The following ERC2 variants were observed in gnomAD, a reference collection of about 807,000 sequenced individuals.
ERC2 encodes the protein ELKS/RAB6-interacting/CAST family member 2, also known as ERC protein 2.
Under a neutral mutation model 114.8 loss-of-function variants are expected in ERC2, and 42 were observed. The ratio of observed to expected loss-of-function variants is 0.37; its 90% CI spans 0.29 to 0.47. ERC2 has a LOEUF of 0.47. Ranked by LOEUF, ERC2 falls within the 20% of genes least tolerant of loss-of-function variation. The probability of loss-of-function intolerance (pLI) is 0.99; values close to 1 mark genes in which losing one functional copy is unlikely to be tolerated. For synonymous variants in ERC2, 454 were observed against 425.5 expected (o/e 1.07, Z -0.82); for missense variants, 939 against 1,150.7 (o/e 0.82, Z 2.66).
intron 4 of ERC2, among the ~76,000 whole-genome samples, chr3:56,169,900 A>G (rs1388884074): frequency 6.6e-6 from 1 of 152,174 alleles, no homozygotes; most frequent in Non-Finnish European, 1.5e-5. Context: ...TTATAATAAA[A>G]ATAAGTTACA....
chr3:56,160,721 T>C (rs1443262644), intron 4 of ERC2, among the ~76,000 whole-genome samples: 2 of 152,198 alleles, frequency 1.3e-5, no homozygotes, highest in Non-Finnish European at 2.9e-5. Context: ...CCCAGCACCA[T>C]TTATTAAATA....
chr3:56,122,311 C>A (rs1273944209), intron 6 of ERC2, among the ~76,000 whole-genome samples: 2 of 152,022 alleles, frequency 1.3e-5, no homozygotes, highest in African/African-American at 2.4e-5. Flanking sequence ...ATATAAATCC[C>A]CACACTTACA....
chr3:55,855,156 C>T (rs1191042893), intron 14 of ERC2, among the ~76,000 whole-genome samples: 3 of 152,104 alleles, frequency 2.0e-5, no homozygotes, highest in Non-Finnish European at 4.4e-5. Context: ...CCTAGATTGC[C>T]ACAGCAGATG....
At chr3:56,238,352 G>C (rs535650259) in intron 3 of ERC2, among the ~76,000 whole-genome samples, 5 of 152,222 alleles carry the variant, frequency 3.3e-5, no homozygotes, top group African/African-American at 1.2e-4. Context: ...TTGTTCAGAG[G>C]ATGTAATCTG....
intron 15 of ERC2, among the ~76,000 whole-genome samples, chr3:55,713,268 TG>T (rs1048156908): frequency 6.6e-6 from 1 of 152,000 alleles, no homozygotes; most frequent in African/African-American, 2.4e-5. Context: ...TGGAGTGCAA[TG>T]GGGCAGTCTT....
chr3:55,522,507 A>C (rs1256162985), intron 17 of ERC2, among the ~76,000 whole-genome samples: 2 of 145,340 alleles, frequency 1.4e-5, no homozygotes, highest in African/African-American at 5.3e-5. Flanking sequence ...CTTGCCCAAC[A>C]GACCACCTTA....
At chr3:55,998,733 C>G (rs952582797) in intron 10 of ERC2, among the ~76,000 whole-genome samples, 1 of 152,186 alleles carries the variant, frequency 6.6e-6, no homozygotes, top group Non-Finnish European at 1.5e-5. Flanking sequence ...CTGTAATGAC[C>G]TACAAAGCAG....
chr3:55,869,353 T>C (rs967103912), intron 14 of ERC2, among the ~76,000 whole-genome samples: 19 of 152,292 alleles, frequency 1.2e-4, no homozygotes, highest in African/African-American at 4.6e-4. Flanking sequence ...AGATGACATT[T>C]TGGAACCTCC....
chr3:55,601,766 G>T (rs1317374524), intron 17 of ERC2, among the ~76,000 whole-genome samples: 1 of 152,218 alleles, frequency 6.6e-6, no homozygotes, highest in Non-Finnish European at 1.5e-5. Context: ...GGTCGAGGCT[G>T]CAGTGAGCCA....
chr3:55,894,308 AT>A (rs2063743777), intron 13 of ERC2, among the ~76,000 whole-genome samples: 1 of 152,206 alleles, frequency 6.6e-6, no homozygotes, highest in Non-Finnish European at 1.5e-5. Context: ...TGGAGGCAAA[AT>A]TTGCTTTAAA....
At chr3:55,980,900 G>T (rs148768195) in intron 12 of ERC2, among the ~76,000 whole-genome samples, 1 of 152,172 alleles carries the variant, frequency 6.6e-6, no homozygotes, top group Non-Finnish European at 1.5e-5. Flanking sequence ...ACTATAAAAC[G>T]TTTCAACTAC....
chr3:56,368,431 C>T (rs1475623923), intron 2 of ERC2, among the ~76,000 whole-genome samples: 1 of 152,140 alleles, frequency 6.6e-6, no homozygotes, highest in Non-Finnish European at 1.5e-5. Context: ...ATAATACAGT[C>T]ATACCAACAG....
At chr3:56,348,131 T>C (rs968864779) in intron 2 of ERC2, among the ~76,000 whole-genome samples, 8 of 152,202 alleles carry the variant, frequency 5.3e-5, no homozygotes, top group African/African-American at 1.9e-4. Context: ...AAATTCCTTC[T>C]ACCCTTAGCT....
At chr3:56,191,947 C>A (rs1164958046) in intron 3 of ERC2, among the ~76,000 whole-genome samples, 1 of 152,144 alleles carries the variant, frequency 6.6e-6, no homozygotes, top group Non-Finnish European at 1.5e-5. Context: ...ACACTGATAA[C>A]TATAGTCAAT....
At chr3:55,899,983 C>T (rs1018599139) in intron 13 of ERC2, among the ~76,000 whole-genome samples, 3 of 152,174 alleles carry the variant, frequency 2.0e-5, no homozygotes, top group African/African-American at 4.8e-5. Context: ...AAGCAGTCCT[C>T]CAGAAAAAGA....
chr3:56,232,960 A>T (rs1199313963), intron 3 of ERC2, among the ~76,000 whole-genome samples: 1 of 152,112 alleles, frequency 6.6e-6, no homozygotes, highest in African/African-American at 2.4e-5. Context: ...TCCTCGAAAA[A>T]ACCCTCCTGA....
chr3:56,118,906 G>C (rs151298636), intron 6 of ERC2, among the ~76,000 whole-genome samples: 2,735 of 152,126 alleles, frequency 0.018, 71 homozygotes, highest in African/African-American at 0.062. Flanking sequence ...AAAGTGCTGG[G>C]ATTACAGGCT....
intron 14 of ERC2, among the ~76,000 whole-genome samples, chr3:55,824,684 T>A (rs1042622803): frequency 6.6e-6 from 1 of 152,198 alleles, no homozygotes; most frequent in Non-Finnish European, 1.5e-5. Context: ...AAGTATGGAT[T>A]CCTGAGCCTC....
In ERC2 at chr3:56,338,841, C is replaced by T. The variant is rs553830786; in HGVS notation, c.658-42406G>A. 3.3e-5 allele frequency among the ~76,000 whole-genome samples: 5 copies of T among 152,280 alleles called. No homozygotes were observed. In the South Asian group the frequency reaches 1.0e-3, roughly 32 times the overall value. ...GTCAGGCCACAAAAATGAGTCTGGACTTCAGGAGGCCACTTTTACCAGCCA... is the reference window on the plus strand; with the variant it reads ...GTCAGGCCACAAAAATGAGTCTGGATTTCAGGAGGCCACTTTTACCAGCCA... On this transcript the variant is annotated intron_variant, in intron 2 of 17. Transcript: ENST00000288221.
Sources: allele counts gnomAD v4.1 joint callset (sites outside exome capture counted in the v4.1 genomes callset), GRCh38; gene constraint gnomAD v4.1.1; transcripts MANE v1.5; gene names NCBI Gene and HGNC (gene_info 2026-07-23, HGNC 2026-07-21).